NAALADL2: variants seen among roughly 807,000 people sequenced by gnomAD.
NAALADL2 encodes inactive N-acetylated-alpha-linked acidic dipeptidase-like protein 2.
A neutral mutation model predicts 87.2 loss-of-function variants in NAALADL2; 76 were observed. That is an observed-to-expected ratio of 0.87 (90% CI 0.72 to 1.05). NAALADL2 has a LOEUF of 1.05. Ranked by LOEUF, NAALADL2 falls within the 50% of genes least tolerant of loss-of-function variation. NAALADL2 has a pLI of 0.00. For synonymous variants in NAALADL2, 354 were observed against 331.0 expected, an observed-to-expected ratio of 1.07 and a Z score of -0.75; for missense variants, 1,089 against 945.8, an observed-to-expected ratio of 1.15 and a Z score of -1.99.
chr3:174,473,206 C>T (rs902209646), intron 1 of NAALADL2, among the ~76,000 whole-genome samples: 1 of 152,114 alleles, frequency 6.6e-6, no homozygotes, highest in African/African-American at 2.4e-5. Flanking sequence ...ATCCCCAACT[C>T]CTCCCTGCCC....
At chr3:175,437,245 A>C (rs1169782805) in intron 5 of NAALADL2, among the ~76,000 whole-genome samples, 25 of 150,390 alleles carry the variant, frequency 1.7e-4, no homozygotes, top group South Asian at 4.2e-4. Context: ...AAGCAACTTC[A>C]GCAAAGTCTC....
At chr3:175,333,241 T>G (rs1373765639) in intron 5 of NAALADL2, among the ~76,000 whole-genome samples, 1 of 152,076 alleles carries the variant, frequency 6.6e-6, no homozygotes, top group Non-Finnish European at 1.5e-5. Context: ...GCAGGTTGGG[T>G]GAATCCGATC....
chr3:174,978,240 T>C (rs1744632390), intron 1 of NAALADL2, among the ~76,000 whole-genome samples: 1 of 152,188 alleles, frequency 6.6e-6, no homozygotes, highest in African/African-American at 2.4e-5. Context: ...CATGGTGGAG[T>C]TGAAACATTT....
intron 1 of NAALADL2, among the ~76,000 whole-genome samples, chr3:175,051,570 G>T (rs752058199): frequency 1.2e-4 from 19 of 152,168 alleles, no homozygotes; most frequent in Non-Finnish European, 2.1e-4. Context: ...CTTCTTCAAG[G>T]TCAGCAGAAG....
At chr3:175,005,740 T>C (rs1398634888) in intron 1 of NAALADL2, among the ~76,000 whole-genome samples, 2 of 152,286 alleles carry the variant, frequency 1.3e-5, no homozygotes, top group African/African-American at 4.8e-5. Context: ...TTGGAAAATA[T>C]TTTTTAAAAA....
chr3:174,657,936 C>T (rs765920421), intron 2 of NAALADL2, among the ~76,000 whole-genome samples: 20 of 152,110 alleles, frequency 1.3e-4, no homozygotes, highest in Admixed American at 3.3e-4. Flanking sequence ...ACATTTCCTC[C>T]ATGTATTTTC....
chr3:175,027,568 C>T (rs1752359730), intron 1 of NAALADL2, among the ~76,000 whole-genome samples: 1 of 152,036 alleles, frequency 6.6e-6, no homozygotes, highest in Non-Finnish European at 1.5e-5. Context: ...CATTTAGTTC[C>T]AAATTAGAAT....
intron 4 of NAALADL2, among the ~76,000 whole-genome samples, chr3:175,268,341 A>G (rs2109980713): frequency 6.6e-6 from 1 of 152,260 alleles, no homozygotes; most frequent in South Asian, 2.1e-4. Context: ...ATAAGAGACA[A>G]AAACTGGTAT....
chr3:175,730,440 A>ATC, intron 11 of NAALADL2, among the ~76,000 whole-genome samples: 1 of 84,170 alleles, frequency 1.2e-5, no homozygotes, highest in Admixed American at 1.2e-4. Flanking sequence ...ATATATATAT[A>ATC]TATACACACA....
At chr3:175,727,258 C>T (rs980592081) in intron 11 of NAALADL2, among the ~76,000 whole-genome samples, 7 of 152,144 alleles carry the variant, frequency 4.6e-5, no homozygotes, top group Non-Finnish European at 1.0e-4. Flanking sequence ...GTGACTGAAA[C>T]AGCAGTTTCT....
intron 4 of NAALADL2, among the ~76,000 whole-genome samples, chr3:175,266,020 T>C (rs1228415285): frequency 1.3e-5 from 2 of 150,726 alleles, no homozygotes; most frequent in Admixed American, 6.6e-5. Flanking sequence ...CTTTTGTAGT[T>C]TTAATATCGA....
intron 1 of NAALADL2, among the ~76,000 whole-genome samples, chr3:175,016,128 T>C (rs71312306): frequency 1.3e-5 from 2 of 151,436 alleles, no homozygotes; most frequent in Non-Finnish European, 3.0e-5. Context: ...CAAGTTATTG[T>C]ATCATGTATT....
chr3:174,863,644 T>C lies in NAALADL2; in HGVS notation c.43+4194T>C, dbSNP rs773409489. ...ATGCTTCCAAGTTGCAGCCTGAGGG[T>C]AGTAGTACTTTGTACTCCAACCTGT... is the stretch of plus-strand genomic sequence containing the variant. On this transcript the variant is annotated intron_variant, in intron 1 of 13. Transcript: ENST00000454872. Among the ~76,000 whole-genome samples, 12 of 152,004 alleles carry C rather than the reference T, an allele frequency of 7.9e-5. No individual in the cohort carries two copies. In the South Asian group the frequency reaches 1.4e-3, roughly 18 times the overall value.
intron 2 of NAALADL2, among the ~76,000 whole-genome samples, chr3:174,592,038 T>A (rs1717413042): frequency 1.3e-5 from 2 of 152,088 alleles, no homozygotes; most frequent in African/African-American, 4.8e-5. Context: ...CATACGTGTG[T>A]GAGTTTTTTT....
chr3:174,797,005 G>C (rs1211223133), intron 3 of NAALADL2, among the ~76,000 whole-genome samples: 1 of 152,036 alleles, frequency 6.6e-6, no homozygotes, highest in Non-Finnish European at 1.5e-5. Context: ...TTATGCTTTT[G>C]AAGTGTTAGT....
chr3:175,371,856 T>C (rs1468754758), intron 5 of NAALADL2, among the ~76,000 whole-genome samples: 1 of 151,910 alleles, frequency 6.6e-6, no homozygotes, highest in Non-Finnish European at 1.5e-5. Flanking sequence ...CTATTATTCA[T>C]CTTTCAAAAT....
At chr3:175,074,770 C>T (rs1716280922) in intron 1 of NAALADL2, among the ~76,000 whole-genome samples, 1 of 151,694 alleles carries the variant, frequency 6.6e-6, no homozygotes, top group Non-Finnish European at 1.5e-5. Flanking sequence ...TAGGAACGTG[C>T]ATGGGAGTAG....
At chr3:174,603,066 G>A (rs1718618913) in intron 2 of NAALADL2, among the ~76,000 whole-genome samples, 1 of 151,950 alleles carries the variant, frequency 6.6e-6, no homozygotes, top group African/African-American at 2.4e-5. Flanking sequence ...TTGGCCTGTA[G>A]TTTTATATTT....
chr3:175,654,433 G>A (rs1168638228), intron 11 of NAALADL2, among the ~76,000 whole-genome samples: 1 of 151,926 alleles, frequency 6.6e-6, no homozygotes, highest in South Asian at 2.1e-4. Flanking sequence ...ACTATTAAAC[G>A]GTCCTTTGCT....
Sources: gnomAD v4.1 joint callset for allele counts (sites outside exome capture counted in the v4.1 genomes callset) on GRCh38, gnomAD v4.1.1 for gene constraint, MANE v1.5 for transcripts, NCBI Gene and HGNC (gene_info 2026-07-23, HGNC 2026-07-21) for gene names.